Variants in TECPR2 observed in about 807,000 individuals in gnomAD.
The protein encoded by TECPR2 is tectonin beta-propeller repeat containing 2, also known as tectonin beta-propeller repeat-containing protein 2.
A neutral mutation model predicts 138.1 loss-of-function variants in TECPR2; 65 were observed. The observed-to-expected ratio is 0.47, with a 90% CI of 0.39 to 0.58. The LOEUF is 0.58. TECPR2 is among the 20% of genes least tolerant of loss of function. TECPR2 has a pLI of 0.00. For synonymous variants in TECPR2, 746 were observed against 749.8 expected (o/e 0.99, Z 0.08); for missense variants, 1,553 against 1,824.5 (o/e 0.85, Z 2.71).
At chr14:102,432,481 C>T (rs907082808) in intron 8 of TECPR2, among the ~76,000 whole-genome samples, 22 of 152,138 alleles carry the variant, frequency 1.4e-4, no homozygotes, top group South Asian at 4.1e-4. Context: ...TGCAATGGCA[C>T]GATCTCGGCT....
At chr14:102,423,491 T>G (rs1038157933) in intron 5 of TECPR2, among the ~76,000 whole-genome samples, 1 of 152,120 alleles carries the variant, frequency 6.6e-6, no homozygotes, top group African/African-American at 2.4e-5. Context: ...ATTATTATTT[T>G]TAGCTCATCA....
intron 16 of TECPR2, among the ~76,000 whole-genome samples, chr14:102,456,378 A>T (rs747559993): frequency 4.0e-5 from 6 of 151,536 alleles, no homozygotes; most frequent in Non-Finnish European, 8.8e-5. Context: ...TCAGATTAAG[A>T]CTCCTTTCCT....
intron 4 of TECPR2, 108 bp from the exon 5 acceptor site, chr14:102,414,528 G>T: frequency 7.3e-7 from 1 of 1,373,614 alleles, no homozygotes; most frequent in Non-Finnish European, 1.0e-6. Flanking sequence ...TAAGTAAGGT[G>T]CAAGCTGACC....
intron 17 of TECPR2, among the ~76,000 whole-genome samples, chr14:102,468,709 C>T (rs982251084): frequency 6.6e-6 from 1 of 152,174 alleles, no homozygotes; most frequent in Non-Finnish European, 1.5e-5. Context: ...AGATTTACCT[C>T]TATGTTTTCT....
intron 2 of TECPR2, among the ~76,000 whole-genome samples, chr14:102,384,753 GTA>G (rs1004169692): frequency 2.8e-5 from 4 of 144,622 alleles, no homozygotes; most frequent in Middle Eastern, 3.6e-3. Context: ...GTATGTGTGT[GTA>G]TATATATATA....
intron 7 of TECPR2, among the ~76,000 whole-genome samples, chr14:102,431,443 C>T (rs917327654): frequency 6.1e-5 from 9 of 148,502 alleles, no homozygotes; most frequent in African/African-American, 1.7e-4. Flanking sequence ...CCCAGGTTCA[C>T]ACCATTCTCC....
chr14:102,497,694 T>C lies in TECPR2; in HGVS notation c.4056T>C (p.Ile1352=), dbSNP rs749936924. Reference sequence around the variant, plus strand: ...CCGCCGGGGACTACTGGAAGAAAATTCCCGGCAGCGTGTCGTGTTTCACAG... The same window carrying C: ...CCGCCGGGGACTACTGGAAGAAAATCCCCGGCAGCGTGTCGTGTTTCACAG... ...KNPAGDYWKK[I]PGSVSCFTVT... The change falls in exon 19 of 20, where the codon ATT becomes ATC. Residue 1352 remains isoleucine, a synonymous_variant. Coordinates refer to ENST00000359520, the MANE Select transcript of TECPR2 (RefSeq NM_014844.5). The C allele has an allele frequency of 6.2e-7, 1 of 1,608,478 alleles. No homozygotes were observed. Among genetic ancestry groups the C allele is most frequent in the Non-Finnish European group, 8.5e-7 (1 of 1,177,794 alleles).
intron 10 of TECPR2, chr14:102,438,578 A>G (rs1017561305): frequency 3.3e-5 from 6 of 183,736 alleles, no homozygotes; most frequent in Middle Eastern, 2.4e-3. Flanking sequence ...TCTCTTTCTC[A>G]TTGTTGCTTT....
At chr14:102,496,654 C>T (rs1021069943) in intron 17 of TECPR2, among the ~76,000 whole-genome samples, 4 of 152,172 alleles carry the variant, frequency 2.6e-5, no homozygotes, top group African/African-American at 9.7e-5. Context: ...CATGGTCCTT[C>T]ACAGCCAGGT....
intron 16 of TECPR2, among the ~76,000 whole-genome samples, chr14:102,455,876 G>T (rs1890266385): frequency 6.6e-6 from 1 of 152,224 alleles, no homozygotes; most frequent in Admixed American, 6.5e-5. Context: ...GCCTCCCAAA[G>T]TGCTGGGATT....
intron 10 of TECPR2, 120 bp from the exon 11 acceptor site, chr14:102,440,316 G>C: frequency 3.6e-6 from 5 of 1,373,198 alleles, no homozygotes; most frequent in East Asian, 4.7e-5. Flanking sequence ...CCCCACTTGG[G>C]GGGACAGAAC....
rs992550922 is a variant in TECPR2, at chr14:102,435,018, G to A, written c.2201G>A (p.Ser734Asn). 1.2e-6 allele frequency: 2 copies of A among 1,614,090 alleles called. No individual in the cohort carries two copies. The highest frequency in any genetic ancestry group is 8.5e-7 in the Non-Finnish European group (1 of 1,180,020). Reference sequence around the variant, plus strand: ...ACTCCGGTCTCTGCCTTGGCAGCCAGCACTCACAAGCCCTGGCTTGAGCAG... The same window carrying A: ...ACTCCGGTCTCTGCCTTGGCAGCCAACACTCACAAGCCCTGGCTTGAGCAG... Reference protein sequence around the residue: ...QLTPVSALAASTHKPWLEQPP... With the variant: ...QLTPVSALAANTHKPWLEQPP... The change falls in exon 9 of 20, where the codon AGC becomes AAC. Residue 734 changes from serine (S) to asparagine (N), a missense_variant. By Grantham distance (46) the Ser-to-Asn change is conservative. Coordinates refer to ENST00000359520, the MANE Select transcript of TECPR2 (RefSeq NM_014844.5).
Position 102,457,869 on chromosome 14 carries a change from C to CTTTT in TECPR2, c.3640+5260_3640+5263dup, listed in dbSNP as rs748372168. On this transcript the variant is annotated intron_variant, in intron 16 of 19. Coordinates refer to ENST00000359520, the MANE Select transcript of TECPR2 (RefSeq NM_014844.5). Reference sequence around the variant, plus strand: ...CGCTCCTCTGCTCCCACTAAATTCCCTTTTTTTTTTTTTTTTTTTTTGAGA... The same window carrying CTTTT: ...CGCTCCTCTGCTCCCACTAAATTCCCTTTTTTTTTTTTTTTTTTTTTTTTTGAGA... Among the ~76,000 whole-genome samples, 100 of 102,742 alleles carry CTTTT rather than the reference C, an allele frequency of 9.7e-4. 5 individuals carry two copies. The highest frequency in any genetic ancestry group is 2.0e-3 in the African/African-American group (49 of 24,486). The allele number at this position is 102,742 out of a possible 152,430, so 67.4% of individuals were successfully genotyped here.
At position 102,483,942 on chromosome 14, in the gene TECPR2, A is replaced by G. The variant is rs547431024; in HGVS notation, c.3790-13037A>G. Among the ~76,000 whole-genome samples, 46 of 97,274 alleles carry G rather than the reference A, an allele frequency of 4.7e-4. 3 individuals carry two copies. The East Asian group carries it at 9.5e-3, about 20-fold the overall frequency. The allele number at this position is 97,274 out of a possible 152,430, so 63.8% of individuals were successfully genotyped here. A position where few individuals can be genotyped will look rare whatever the true frequency, so the allele number is the denominator to read the frequency against. On this transcript the variant is annotated intron_variant, in intron 17 of 19. Transcript: ENST00000359520. ...CTCCCACGTAGCTGGGATTATAGGC[A>G]CCTGCCACCATGCCTGGCTGATTCT...
At chr14:102,372,826 A>C (rs1204167194) in intron 1 of TECPR2, among the ~76,000 whole-genome samples, 1 of 152,158 alleles carries the variant, frequency 6.6e-6, no homozygotes, top group Admixed American at 6.5e-5. Context: ...AGGCTGAGGC[A>C]CAAGAATCAC....
At chr14:102,470,489 G>A (rs533739969) in intron 17 of TECPR2, among the ~76,000 whole-genome samples, 10 of 151,540 alleles carry the variant, frequency 6.6e-5, no homozygotes, top group Admixed American at 4.6e-4. Flanking sequence ...TCTATTTTTA[G>A]TAGAGACGAG....
rs182399924 is a variant in TECPR2 at position 102,455,656 on chromosome 14, G to A, written c.3640+3029G>A. On this transcript the variant is annotated intron_variant, in intron 16 of 19. Transcript: ENST00000359520. ...GACGGAGTTTCGCTCTGTCGCCCAG[G>A]CTGGAGTGCAGTGGCACGATCTCGG... Among the ~76,000 whole-genome samples, 692 of 152,248 alleles carry A rather than the reference G, an allele frequency of 4.5e-3. 1 individual carries two copies. Among genetic ancestry groups the A allele is most frequent in the Non-Finnish European group, 6.9e-3 (472 of 68,014 alleles).
At chr14:102,372,815 GA>G (rs975471369) in intron 1 of TECPR2, among the ~76,000 whole-genome samples, 83 of 152,186 alleles carry the variant, frequency 5.5e-4, no homozygotes, top group African/African-American at 2.0e-3. Context: ...AGCTACTCGG[GA>G]GGCTGAGGCA....
chr14:102,365,657 T>A (rs1393069367), intron 1 of TECPR2, among the ~76,000 whole-genome samples: 1 of 152,144 alleles, frequency 6.6e-6, no homozygotes, highest in Non-Finnish European at 1.5e-5. Context: ...TTTGATGAAA[T>A]CTCCAGAATA....
Sources: gnomAD v4.1 joint callset for allele counts (sites outside exome capture counted in the v4.1 genomes callset) on GRCh38, gnomAD v4.1.1 for gene constraint, MANE v1.5 for transcripts, NCBI Gene and HGNC (gene_info 2026-07-23, HGNC 2026-07-21) for gene names.